The following NTN3 variants were observed in gnomAD, a reference collection of about 807,000 sequenced individuals.
The protein encoded by NTN3 is netrin-3.
Under a neutral mutation model 37.2 loss-of-function variants are expected in NTN3, and 44 were observed. The observed-to-expected ratio is 1.18, with a 90% CI of 0.93 to 1.52. NTN3 has a LOEUF of 1.52. NTN3 is among the 40% of genes most tolerant of loss of function. The probability of loss-of-function intolerance (pLI) is 0.00; values close to 1 mark genes in which losing one functional copy is unlikely to be tolerated. For missense variants in NTN3, 882 were observed against 857.3 expected (o/e 1.03, Z -0.36); for synonymous variants, 385 against 376.0 (o/e 1.02, Z -0.28).
At position 2,471,354 on chromosome 16, in the gene NTN3, C is replaced by G; in HGVS notation, c.-348C>G. 1 of 187,286 alleles carries G rather than the reference C, an allele frequency of 5.3e-6. No individual in the cohort carries two copies. The highest frequency in any genetic ancestry group is 1.1e-5 in the Non-Finnish European group (1 of 91,472). The allele number at this position is 187,286 out of a possible 1,614,324, so 11.6% of individuals were successfully genotyped here. A position where few individuals can be genotyped will look rare whatever the true frequency, so the allele number is the denominator to read the frequency against. ...AGGCGGCGGCCCGTGCACCGCAGGCCCCGCCCGCCCACGGCCCTTCCCGGG... is the reference window on the plus strand; with the variant it reads ...AGGCGGCGGCCCGTGCACCGCAGGCGCCGCCCGCCCACGGCCCTTCCCGGG... On this transcript the variant is annotated 5_prime_UTR_variant, in exon 1 of 6. Transcript: ENST00000293973.
chr16:2,473,092 C>T lies in NTN3; in HGVS notation c.1225C>T (p.Pro409Ser), dbSNP rs1311611042. Residue 409 changes from proline to serine, a missense_variant, in exon 3 of 6, where the codon CCT (proline) becomes TCT (serine). Physicochemically the swap from Pro to Ser is moderately conservative, Grantham distance 74 (BLOSUM62 -1). Transcript: ENST00000293973. ...VTGLTCNRCA[P>S]GFQQSRSPVA... ...TGGCCTCACCTGCAACCGCTGCGCG[C>T]CTGGCTTCCAGCAAAGCCGCTCCCC... 6.2e-7 allele frequency: 1 copy of T among 1,610,054 alleles called. No individual in the cohort carries two copies. Among genetic ancestry groups the T allele is most frequent in the Non-Finnish European group, 8.5e-7 (1 of 1,179,066 alleles).
rs928615511 is a variant in NTN3, at chr16:2,471,829, G to T, written c.128G>T (p.Gly43Val). The change falls in exon 1 of 6, where the codon GGA becomes GTA. Residue 43 changes from glycine (G) to valine (V), a missense_variant. Gly to Val is a moderately radical substitution (Grantham distance 109, BLOSUM62 -3). Transcript: ENST00000293973. ...GGTGCGCCCCGCGGCTGCGTGCCAG[G>T]ACTGGTGAACGCCGCCCTGGGCCGC... Reference protein sequence around the residue: ...EGGAPRGCVPGLVNAALGREV... With the variant: ...EGGAPRGCVPVLVNAALGREV... 4.9e-6 allele frequency: 7 copies of T among 1,435,378 alleles called. No individual in the cohort carries two copies. In the African/African-American group the frequency reaches 6.0e-5, roughly 12 times the overall value. 88.9% of individuals were successfully genotyped at this position (1,435,378 alleles called of 1,614,324 possible).
rs750757618 is a variant in NTN3, at chr16:2,472,524, G to A, written c.823G>A (p.Asp275Asn). 1.1e-5 allele frequency: 18 copies of A among 1,607,748 alleles called. No homozygotes were observed. The Admixed American group carries it at 1.7e-4, about 15-fold the overall frequency. The change falls in exon 1 of 6, where the codon GAC becomes AAC. Residue 275 changes from aspartate to asparagine, a missense_variant. Asp to Asn is a conservative substitution (Grantham distance 23). Coordinates refer to ENST00000293973, the MANE Select transcript of NTN3 (RefSeq NM_006181.3). ...LLDTQGHLIC[D>N]CRHGTEGPDC... ...GGACACACAGGGCCACCTGATCTGC[G>A]ACTGTCGGCATGGCACCGAGGGCCC...
Position 2,472,247 on chromosome 16 carries a change from G to C in NTN3, c.546G>C (p.Leu182=), listed in dbSNP as rs780213374. The part of the protein sequence containing the change: ...GPEALCFPAP[L]AQPDGSGLLA... ...AGGCCCTGTGCTTCCCCGCACCCCT[G>C]GCCCAGCCTGATGGCAGCGGCCTTC... The change falls in exon 1 of 6, where the codon CTG becomes CTC. Residue 182 remains leucine, a synonymous_variant. Transcript: ENST00000293973. 2 of 1,610,054 alleles carry C rather than the reference G, an allele frequency of 1.2e-6. No individual in the cohort carries two copies. Among genetic ancestry groups the C allele is most frequent in the Non-Finnish European group, 1.7e-6 (2 of 1,179,074 alleles).
In NTN3 at chr16:2,471,959, C is replaced by A; in HGVS notation, c.258C>A (p.Gly86=). 6.4e-7 allele frequency: 1 copy of A among 1,572,062 alleles called. No individual in the cohort carries two copies. ...HSPALLTSPG[G]TASPLCWRSE... is the part of the protein sequence containing the mutation. ...CCGCCCTCCTTACTTCCCCAGGGGG[C>A]ACGGCCAGCCCTCTGTGCTGGCGCT... The change falls in exon 1 of 6, where the codon GGC becomes GGA. Residue 86 remains glycine (G), a synonymous_variant. Coordinates refer to ENST00000293973, the MANE Select transcript of NTN3 (RefSeq NM_006181.3).
chr16:2,471,355 C>T lies in NTN3; in HGVS notation c.-347C>T, dbSNP rs2065519863. ...GGCGGCGGCCCGTGCACCGCAGGCCCCGCCCGCCCACGGCCCTTCCCGGGA... is the reference window on the plus strand; with the variant it reads ...GGCGGCGGCCCGTGCACCGCAGGCCTCGCCCGCCCACGGCCCTTCCCGGGA... On this transcript the variant is annotated 5_prime_UTR_variant, in exon 1 of 6. Transcript: ENST00000293973. 1 of 188,450 alleles carries T rather than the reference C, an allele frequency of 5.3e-6. No homozygotes were observed. The highest frequency in any genetic ancestry group is 2.3e-5 in the African/African-American group (1 of 42,910). The allele number at this position is 188,450 out of a possible 1,614,324, so 11.7% of individuals were successfully genotyped here.
Position 2,471,716 on chromosome 16 carries a change from CT to C in NTN3, c.16del (p.Trp6GlyfsTer5). On this transcript the variant is annotated frameshift_variant, in exon 1 of 6. Transcript: ENST00000293973. LOFTEE classifies it high-confidence loss of function. MPGWP[W>X]GLLLTAGTLF... The stretch of plus-strand genomic sequence containing the variant: ...CGGCTCCGGCCATGCCTGGCTGGCC[CT>C]GGGGGCTGCTGCTGACGGCAGGCAC... The C allele has an allele frequency of 7.3e-7, 1 of 1,366,748 alleles. No homozygotes were observed. The allele number at this position is 1,366,748 out of a possible 1,614,324, so 84.7% of individuals were successfully genotyped here.
chr16:2,472,810 C>A lies in NTN3; in HGVS notation c.1038C>A (p.Ala346=). The change falls in exon 2 of 6, where the codon GCC becomes GCA. Residue 346 remains alanine, a synonymous_variant. Transcript: ENST00000293973. ...GTCTCAACTGCCGGCACAACACCGCCGGCCGCCACTGCCACTACTGCCGGG... is the reference window on the plus strand; with the variant it reads ...GTCTCAACTGCCGGCACAACACCGCAGGCCGCCACTGCCACTACTGCCGGG... ...GVCLNCRHNT[A]GRHCHYCREG... 1 of 1,605,736 alleles carries A rather than the reference C, an allele frequency of 6.2e-7. No individual in the cohort carries two copies. Among genetic ancestry groups the A allele is most frequent in the Non-Finnish European group, 8.5e-7 (1 of 1,178,550 alleles).
intron 2 of NTN3, 43 bp from the exon 3 acceptor site, chr16:2,472,942 C>A (rs1346963766): frequency 6.3e-7 from 1 of 1,580,228 alleles, no homozygotes; most frequent in Non-Finnish European, 8.6e-7. Context: ...TCCCAGATCC[C>A]CAGACAGGCT....
Position 2,472,191 on chromosome 16 carries a change from C to T in NTN3, c.490C>T (p.Pro164Ser). ...CCTGGACTATGGCCGTCTGCCTGCC[C>T]CTGCCAATGGCCCAGCTGGCCCAGG... ...CDLDYGRLPA[P>S]ANGPAGPGPE... Residue 164 changes from proline (P) to serine (S), a missense_variant, in exon 1 of 6, where the codon CCT becomes TCT. Transcript: ENST00000293973. The T allele has an allele frequency of 1.2e-6, 2 of 1,609,064 alleles. No individual in the cohort carries two copies. Among genetic ancestry groups the T allele is most frequent in the African/African-American group, 1.3e-5 (1 of 75,062 alleles).
Position 2,474,078 on chromosome 16 carries a change from A to G in NTN3, c.1716A>G (p.Glu572=), listed in dbSNP as rs1355801789. The G allele has an allele frequency of 1.7e-6, 2 of 1,206,676 alleles. No homozygotes were observed. The highest frequency in any genetic ancestry group is 8.3e-5 in the South Asian group (2 of 24,228). 74.7% of individuals were successfully genotyped at this position (1,206,676 alleles called of 1,614,324 possible). Reference sequence around the variant, plus strand: ...GCCTGCGGAGGCTGCAGCGACGCGAACGGCGGGGGCGCTGCAGCGCCGCCT... The same window carrying G: ...GCCTGCGGAGGCTGCAGCGACGCGAGCGGCGGGGGCGCTGCAGCGCCGCCT... ...TRRLRRLQRR[E]RRGRCSAA is the part of the protein sequence containing the mutation. Residue 572 remains glutamate (E), a synonymous_variant, in exon 6 of 6, where the codon GAA becomes GAG. Transcript: ENST00000293973.
rs573756463 is a variant in NTN3 at position 2,473,139 on chromosome 16, G to A, written c.1267+5G>A. The A allele has an allele frequency of 6.3e-7, 1 of 1,590,904 alleles. No homozygotes were observed. Among genetic ancestry groups the A allele is most frequent in the African/African-American group, 1.3e-5 (1 of 74,870 alleles). The stretch of plus-strand genomic sequence containing the variant: ...CCCCAGTGGCGCCCTGTGTTAGTGA[G>A]TGACCCTGCCCCGCCTCAGCCACCA... On this transcript the variant is annotated splice_donor_5th_base_variant and intron_variant, in intron 3 of 5. Coordinates refer to ENST00000293973, the MANE Select transcript of NTN3 (RefSeq NM_006181.3).
Position 2,474,053 on chromosome 16 carries a change from G to A in NTN3, c.1691G>A (p.Arg564His). The change falls in exon 6 of 6, where the codon CGC (arginine) becomes CAC (histidine). Residue 564 changes from arginine to histidine, a missense_variant. By Grantham distance (29) the Arg-to-His change is conservative. Coordinates refer to ENST00000293973, the MANE Select transcript of NTN3 (RefSeq NM_006181.3). ...CCCTGGAGGGACGCGTGGACGCGGC[G>A]CCTGCGGAGGCTGCAGCGACGCGAA... ...VLPWRDAWTR[R>H]LRRLQRRERR... 1 of 1,207,494 alleles carries A rather than the reference G, an allele frequency of 8.3e-7. No individual in the cohort carries two copies. The highest frequency in any genetic ancestry group is 1.0e-6 in the Non-Finnish European group (1 of 972,174). 74.8% of individuals were successfully genotyped at this position (1,207,494 alleles called of 1,614,324 possible).
Position 2,471,643 on chromosome 16 carries a change from T to C in NTN3, c.-59T>C. ...GGGCAGAGCCGCGGAGAGGGCTTCT[T>C]TTCCCCAAGGGCAGCGTCTTGGGGC... On this transcript the variant is annotated 5_prime_UTR_variant, in exon 1 of 6. Transcript: ENST00000293973. The C allele has an allele frequency of 8.2e-7, 1 of 1,224,186 alleles. No homozygotes were observed. Among genetic ancestry groups the C allele is most frequent in the Non-Finnish European group, 1.0e-6 (1 of 958,188 alleles). 75.8% of individuals were successfully genotyped at this position (1,224,186 alleles called of 1,614,324 possible).
In NTN3 at chr16:2,472,632, G is replaced by A. The variant is rs1429788438; in HGVS notation, c.928+3G>A. On this transcript the variant is annotated splice_donor_region_variant and intron_variant, in intron 1 of 5. Transcript: ENST00000293973. ...CCGGGAATCCCACGCCTGCCTCGGTGAGGCCTTGGAGGGTGGCCTGGGGAC... is the reference window on the plus strand; with the variant it reads ...CCGGGAATCCCACGCCTGCCTCGGTAAGGCCTTGGAGGGTGGCCTGGGGAC... The A allele has an allele frequency of 1.9e-6, 3 of 1,594,654 alleles. No individual in the cohort carries two copies. The highest frequency in any genetic ancestry group is 2.6e-6 in the Non-Finnish European group (3 of 1,168,174).
rs1036652279 is a variant in NTN3, at chr16:2,472,327, C to G, written c.626C>G (p.Pro209Arg). Residue 209 changes from proline to arginine, a missense_variant, in exon 1 of 6, where the codon CCA (proline) becomes CGA (arginine). By Grantham distance (103) the Pro-to-Arg change is moderately radical (BLOSUM62 -2). Coordinates refer to ENST00000293973, the MANE Select transcript of NTN3 (RefSeq NM_006181.3). Reference sequence around the variant, plus strand: ...CCAGGCCTGGACCTGGACAGCAGCCCAGTGCTCCAAGACTGGGTGACCGCC... The same window carrying G: ...CCAGGCCTGGACCTGGACAGCAGCCGAGTGCTCCAAGACTGGGTGACCGCC... ...SPPGLDLDSS[P>R]VLQDWVTATD... The G allele has an allele frequency of 1.2e-6, 2 of 1,610,604 alleles. No homozygotes were observed. Among genetic ancestry groups the G allele is most frequent in the South Asian group, 2.2e-5 (2 of 90,948 alleles).
In NTN3 at chr16:2,472,733, C is replaced by T. The variant is rs772503701; in HGVS notation, c.961C>T (p.Arg321Cys). The change falls in exon 2 of 6, where the codon CGC becomes TGC. Residue 321 changes from arginine (R) to cysteine (C), a missense_variant. By Grantham distance (180) the Arg-to-Cys change is radical. Coordinates refer to ENST00000293973, the MANE Select transcript of NTN3 (RefSeq NM_006181.3). ...CTGCAACGGCCATGCCCGCCGCTGC[C>T]GCTTCAACATGGAGCTGTACCGACT... ...CSCNGHARRCRFNMELYRLSG... is the reference protein window; with the variant it reads ...CSCNGHARRCCFNMELYRLSG... 35 of 1,609,344 alleles carry T rather than the reference C, an allele frequency of 2.2e-5. No individual in the cohort carries two copies. The highest frequency in any genetic ancestry group is 3.3e-4 in the Middle Eastern group (2 of 6,078).
rs759176016 is a variant in NTN3, at chr16:2,472,810, C to G, written c.1038C>G (p.Ala346=). The change falls in exon 2 of 6, where the codon GCC becomes GCG. Residue 346 remains alanine (A), a synonymous_variant. Coordinates refer to ENST00000293973, the MANE Select transcript of NTN3 (RefSeq NM_006181.3). ...GVCLNCRHNT[A]GRHCHYCREG... is the part of the protein sequence containing the mutation. The stretch of plus-strand genomic sequence containing the variant: ...GTCTCAACTGCCGGCACAACACCGC[C>G]GGCCGCCACTGCCACTACTGCCGGG... 1.2e-6 allele frequency: 2 copies of G among 1,605,736 alleles called. No homozygotes were observed. Among genetic ancestry groups the G allele is most frequent in the African/African-American group, 2.7e-5 (2 of 74,988 alleles).
In NTN3 at chr16:2,471,416, T is replaced by G; in HGVS notation, c.-286T>G. On this transcript the variant is annotated 5_prime_UTR_variant, in exon 1 of 6. Transcript: ENST00000293973. ...CCTGCTCCGCCCGGCCCTCGGTGGGTGAGTGCGAGCGGCGGGTGGGGCCTC... is the reference window on the plus strand; with the variant it reads ...CCTGCTCCGCCCGGCCCTCGGTGGGGGAGTGCGAGCGGCGGGTGGGGCCTC... 7.3e-6 allele frequency: 2 copies of G among 273,668 alleles called. No homozygotes were observed. The highest frequency in any genetic ancestry group is 6.8e-6 in the Non-Finnish European group (1 of 146,746). The allele number at this position is 273,668 out of a possible 1,614,324, so 17.0% of individuals were successfully genotyped here.
Sources: gnomAD v4.1 joint callset for allele counts on GRCh38, gnomAD v4.1.1 for gene constraint, MANE v1.5 for transcripts, NCBI Gene and HGNC (gene_info 2026-07-23, HGNC 2026-07-21) for gene names.